ZBTB7C: variants seen among roughly 807,000 people sequenced by gnomAD.
The protein encoded by ZBTB7C is zinc finger and BTB domain-containing protein 7C.
ZBTB7C carries 8 observed loss-of-function variants against 25.7 expected under a neutral mutation model. The observed-to-expected ratio is 0.31, with a 90% CI of 0.18 to 0.56. The LOEUF (loss-of-function observed/expected upper bound fraction) is 0.56. Ranked by LOEUF, ZBTB7C falls within the 20% of genes least tolerant of loss-of-function variation. The pLI is 0.91. For synonymous variants in ZBTB7C, 394 were observed against 369.0 expected, an observed-to-expected ratio of 1.07 and a Z score of -0.78; for missense variants, 824 against 855.2, an observed-to-expected ratio of 0.96 and a Z score of 0.46.
intron 2 of ZBTB7C, among the ~76,000 whole-genome samples, chr18:48,300,581 A>C (rs952501306): frequency 7.2e-5 from 11 of 152,124 alleles, no homozygotes; most frequent in African/African-American, 2.4e-4. Flanking sequence ...GGCTCCCTAG[A>C]AGAGGAAGAG....
At chr18:48,370,110 A>T (rs2047350906) in intron 1 of ZBTB7C, among the ~76,000 whole-genome samples, 1 of 152,202 alleles carries the variant, frequency 6.6e-6, no homozygotes. Context: ...AAAACTTCCA[A>T]ATACTTAGAA....
At chr18:48,348,190 C>T (rs9947735) in intron 1 of ZBTB7C, among the ~76,000 whole-genome samples, 100,979 of 152,128 alleles carry the variant, frequency 0.66, 34,352 homozygotes, top group African/African-American at 0.75. Flanking sequence ...GGATGTTACA[C>T]ACTGTTAGGA....
At chr18:48,374,661 T>C (rs1177070092) in intron 1 of ZBTB7C, among the ~76,000 whole-genome samples, 1 of 152,230 alleles carries the variant, frequency 6.6e-6, no homozygotes, top group Non-Finnish European at 1.5e-5. Context: ...GATAAGGTGT[T>C]CACCAGCCTG....
intron 2 of ZBTB7C, among the ~76,000 whole-genome samples, chr18:48,288,045 C>A (rs2045109552): frequency 6.6e-6 from 1 of 152,092 alleles, no homozygotes; most frequent in Non-Finnish European, 1.5e-5. Context: ...TAATGGATAT[C>A]CTTAGCCAGT....
At chr18:48,121,329 T>A (rs2039621325) in intron 3 of ZBTB7C, among the ~76,000 whole-genome samples, 1 of 152,096 alleles carries the variant, frequency 6.6e-6, no homozygotes, top group African/African-American at 2.4e-5. Flanking sequence ...AGCCCAGGGA[T>A]GGGATGCTGT....
intron 3 of ZBTB7C, among the ~76,000 whole-genome samples, chr18:48,060,127 C>T (rs932216833): frequency 2.0e-5 from 3 of 152,096 alleles, no homozygotes; most frequent in African/African-American, 4.8e-5. Flanking sequence ...CTCTCCCACA[C>T]GACCCATTTT....
At chr18:48,322,786 G>T (rs561380089) in intron 2 of ZBTB7C, among the ~76,000 whole-genome samples, 2 of 152,234 alleles carry the variant, frequency 1.3e-5, no homozygotes, top group Admixed American at 6.5e-5. Flanking sequence ...CAAAAATGTG[G>T]AACCAACCCA....
intron 2 of ZBTB7C, among the ~76,000 whole-genome samples, chr18:48,278,122 C>T (rs1568347661): frequency 6.6e-6 from 1 of 152,234 alleles, no homozygotes; most frequent in Non-Finnish European, 1.5e-5. Context: ...TTCTGACCAA[C>T]AGAATGTGGC....
chr18:48,339,254 C>T (rs972824584), intron 1 of ZBTB7C, among the ~76,000 whole-genome samples: 1 of 152,238 alleles, frequency 6.6e-6, no homozygotes, highest in Non-Finnish European at 1.5e-5. Flanking sequence ...ACCCACCTGG[C>T]TGTGACTCTC....
chr18:48,290,667 C>T (rs986219604), intron 2 of ZBTB7C, among the ~76,000 whole-genome samples: 1 of 152,210 alleles, frequency 6.6e-6, no homozygotes, highest in Non-Finnish European at 1.5e-5. Flanking sequence ...CAGCTCTGTG[C>T]CGCAGGCGCC....
intron 2 of ZBTB7C, among the ~76,000 whole-genome samples, chr18:48,221,863 CCCTCTATACTGTCCTAGTCT>C (rs1568312178): frequency 6.8e-5 from 7 of 102,874 alleles, no homozygotes; most frequent in Non-Finnish European, 1.7e-4. Flanking sequence ...GTCCTAGTCT[CCCTCTATACTGTCCTAGTCT>C]CCTCTATACT....
rs550454713 is a variant in ZBTB7C, at chr18:48,358,188, C to T, written c.-303-19790G>A. Reference sequence around the variant, plus strand: ...CAACAATGGTGAAACCCCGTCTCCACTAAAAATACAAAAATTAGCCAGACA... The same window carrying T: ...CAACAATGGTGAAACCCCGTCTCCATTAAAAATACAAAAATTAGCCAGACA... On this transcript the variant is annotated intron_variant, in intron 1 of 4. Coordinates refer to ENST00000590800, the MANE Select transcript of ZBTB7C (RefSeq NM_001318841.2). Among the ~76,000 whole-genome samples, 3 of 152,206 alleles carry T rather than the reference C, an allele frequency of 2.0e-5. No homozygotes were observed. In the South Asian group the frequency reaches 6.2e-4, roughly 32 times the overall value.
chr18:48,125,725 G>A (rs2039777931), intron 3 of ZBTB7C, among the ~76,000 whole-genome samples: 1 of 152,172 alleles, frequency 6.6e-6, no homozygotes, highest in African/African-American at 2.4e-5. Context: ...TCCTAACATT[G>A]TCTGCCTTGC....
intron 3 of ZBTB7C, among the ~76,000 whole-genome samples, chr18:48,168,764 G>A (rs759467310): frequency 4.6e-5 from 7 of 152,164 alleles, no homozygotes; most frequent in African/African-American, 7.2e-5. Flanking sequence ...TTATATTTTC[G>A]TGGAAGTTGC....
At chr18:48,383,829 A>G (rs138344188) in intron 1 of ZBTB7C, among the ~76,000 whole-genome samples, 4 of 151,756 alleles carry the variant, frequency 2.6e-5, no homozygotes, top group Admixed American at 1.3e-4. Context: ...GACTTCCCTC[A>G]GCACACGGCA....
intron 2 of ZBTB7C, among the ~76,000 whole-genome samples, chr18:48,336,170 T>G (rs1041347648): frequency 6.6e-6 from 1 of 152,218 alleles, no homozygotes; most frequent in Non-Finnish European, 1.5e-5. Context: ...CAGTCACCAT[T>G]TCCGAGTGGT....
chr18:48,029,578 C>T lies in ZBTB7C; in HGVS notation c.1542G>A (p.Val514=). The T allele has an allele frequency of 1.3e-6, 2 of 1,489,300 alleles. No individual in the cohort carries two copies. Among genetic ancestry groups the T allele is most frequent in the Non-Finnish European group, 1.8e-6 (2 of 1,134,172 alleles). 92.3% of individuals were successfully genotyped at this position (1,489,300 alleles called of 1,614,324 possible). The change falls in exon 5 of 5, where the codon GTG becomes GTA. Residue 514 remains valine, a synonymous_variant. Coordinates refer to ENST00000590800, the MANE Select transcript of ZBTB7C (RefSeq NM_001318841.2). Reference sequence around the variant, plus strand: ...CAGCTGCGCCGCCCAGGTGGCCGCCCACCTCGCCCAGCGCAGGGGGCATCA... The same window carrying T: ...CAGCTGCGCCGCCCAGGTGGCCGCCTACCTCGCCCAGCGCAGGGGGCATCA... The part of the protein sequence containing the change: ...AFVMPPALGE[V]GGHLGGAAVC...
intron 3 of ZBTB7C, among the ~76,000 whole-genome samples, chr18:48,142,484 T>C (rs2040378006): frequency 6.6e-6 from 1 of 152,176 alleles, no homozygotes; most frequent in East Asian, 1.9e-4. Context: ...CTAGCCTGGC[T>C]GGCTGCACAG....
intron 3 of ZBTB7C, among the ~76,000 whole-genome samples, chr18:48,079,593 G>C (rs545513540): frequency 2.6e-5 from 4 of 152,326 alleles, no homozygotes; most frequent in African/African-American, 9.6e-5. Context: ...CGCCAAAGCA[G>C]AGAGGATGAA....
Sources: gnomAD v4.1 joint callset for allele counts (sites outside exome capture counted in the v4.1 genomes callset) on GRCh38, gnomAD v4.1.1 for gene constraint, MANE v1.5 for transcripts, NCBI Gene and HGNC (gene_info 2026-07-23, HGNC 2026-07-21) for gene names.